Variants in CNTNAP2 observed in about 807,000 individuals in gnomAD.
CNTNAP2 encodes contactin associated protein 2.
In CNTNAP2, 98 loss-of-function variants were observed where a neutral mutation model predicts 155.2. The ratio of observed to expected loss-of-function variants is 0.63; its 90% CI spans 0.54 to 0.75. The LOEUF (loss-of-function observed/expected upper bound fraction) is 0.75, where lower values mean the gene tolerates loss of function less well. Among genes scored for constraint, CNTNAP2 ranks in the 30% least tolerant of loss-of-function variants. The pLI is 0.00. For synonymous variants in CNTNAP2, 651 were observed against 631.2 expected (o/e 1.03, Z -0.47); for missense variants, 1,727 against 1,688.1 (o/e 1.02, Z -0.40).
At chr7:146,505,106 G>T (rs1797363179) in intron 1 of CNTNAP2, among the ~76,000 whole-genome samples, 1 of 152,142 alleles carries the variant, frequency 6.6e-6, no homozygotes, top group Admixed American at 6.5e-5. Flanking sequence ...CCTATCCAAA[G>T]CTGCCCATGT....
chr7:146,646,044 A>G (rs1449138915), intron 1 of CNTNAP2, among the ~76,000 whole-genome samples: 1 of 152,194 alleles, frequency 6.6e-6, no homozygotes. Flanking sequence ...TTCTAGTGAA[A>G]AGGTTTCCAA....
intron 1 of CNTNAP2, among the ~76,000 whole-genome samples, chr7:146,154,540 A>G (rs1798096758): frequency 6.6e-6 from 1 of 152,240 alleles, no homozygotes. Flanking sequence ...ATTGAATTTC[A>G]GATAACAACT....
intron 13 of CNTNAP2, among the ~76,000 whole-genome samples, chr7:147,890,271 T>C (rs1585012643): frequency 6.6e-6 from 1 of 152,298 alleles, no homozygotes; most frequent in Admixed American, 6.5e-5. Context: ...CCTAAAGTGG[T>C]ATTTTGATAG....
intron 1 of CNTNAP2, among the ~76,000 whole-genome samples, chr7:146,355,326 G>A (rs1794982513): frequency 6.6e-6 from 1 of 152,172 alleles, no homozygotes; most frequent in South Asian, 2.1e-4. Flanking sequence ...CAGGGGGTGT[G>A]CTAATAGTGT....
At chr7:147,643,898 C>G (rs933761106) in intron 13 of CNTNAP2, among the ~76,000 whole-genome samples, 1 of 151,844 alleles carries the variant, frequency 6.6e-6, no homozygotes, top group African/African-American at 2.4e-5. Flanking sequence ...GTAAAATTAC[C>G]CATTATTAGT....
intron 21 of CNTNAP2, among the ~76,000 whole-genome samples, chr7:148,369,668 AT>A: frequency 6.7e-6 from 1 of 148,404 alleles, no homozygotes; most frequent in South Asian, 2.1e-4. Context: ...TATTATTATT[AT>A]TATTATTATT....
chr7:147,095,754 A>G (rs1307393172), intron 4 of CNTNAP2, among the ~76,000 whole-genome samples: 1 of 152,152 alleles, frequency 6.6e-6, no homozygotes, highest in African/African-American at 2.4e-5. Context: ...ATTTCAGTAC[A>G]TCTTCCTAAA....
chr7:147,736,797 C>T (rs1423935179), intron 13 of CNTNAP2, among the ~76,000 whole-genome samples: 1 of 152,202 alleles, frequency 6.6e-6, no homozygotes, highest in Non-Finnish European at 1.5e-5. Flanking sequence ...GATACCCTTT[C>T]TTCCAGTTGA....
At chr7:146,579,596 G>A (rs1798579318) in intron 1 of CNTNAP2, among the ~76,000 whole-genome samples, 1 of 152,068 alleles carries the variant, frequency 6.6e-6, no homozygotes, top group Non-Finnish European at 1.5e-5. Context: ...TCTGTTTGCT[G>A]CTGACTGCCC....
chr7:147,439,705 T>C (rs1306930430), intron 10 of CNTNAP2, among the ~76,000 whole-genome samples: 3 of 152,062 alleles, frequency 2.0e-5, no homozygotes, highest in Admixed American at 6.6e-5. Context: ...GTTATTGTAC[T>C]GGGGACTACC....
At chr7:146,493,192 A>T (rs1303178965) in intron 1 of CNTNAP2, among the ~76,000 whole-genome samples, 1 of 152,190 alleles carries the variant, frequency 6.6e-6, no homozygotes, top group Non-Finnish European at 1.5e-5. Context: ...CACAAGTATT[A>T]AGTCAAAATT....
intron 21 of CNTNAP2, among the ~76,000 whole-genome samples, chr7:148,279,631 T>A (rs1362500325): frequency 3.3e-5 from 5 of 152,214 alleles, no homozygotes; most frequent in African/African-American, 4.8e-5. Context: ...GGCCTTTTCC[T>A]GTCTTTATCT....
chr7:148,222,455 T>A (rs111267575), intron 19 of CNTNAP2, among the ~76,000 whole-genome samples: 2 of 151,260 alleles, frequency 1.3e-5, no homozygotes, highest in African/African-American at 4.9e-5. Flanking sequence ...CCCACTCCCA[T>A]GAGAACCTGT....
At chr7:147,770,214 T>C (rs1797447980) in intron 13 of CNTNAP2, among the ~76,000 whole-genome samples, 2 of 152,250 alleles carry the variant, frequency 1.3e-5, no homozygotes, top group South Asian at 4.1e-4. Flanking sequence ...GGGTTACAGG[T>C]TGATTACACG....
At chr7:148,331,164 C>A (rs368554180) in intron 21 of CNTNAP2, among the ~76,000 whole-genome samples, 1 of 119,600 alleles carries the variant, frequency 8.4e-6, no homozygotes, top group East Asian at 2.7e-4. Context: ...ATGGAATGGA[C>A]GGATGGAATG....
chr7:148,405,724 T>A (rs927344557), intron 22 of CNTNAP2, among the ~76,000 whole-genome samples: 5 of 145,108 alleles, frequency 3.4e-5, no homozygotes, highest in Middle Eastern at 3.5e-3. Context: ...CAAGTGATTC[T>A]CCTGCCTCAG....
At chr7:146,624,208 C>T (rs980214145) in intron 1 of CNTNAP2, among the ~76,000 whole-genome samples, 4 of 151,934 alleles carry the variant, frequency 2.6e-5, no homozygotes, top group Non-Finnish European at 5.9e-5. Context: ...CCAGGCCATG[C>T]TTTGTCTGTT....
intron 9 of CNTNAP2, among the ~76,000 whole-genome samples, chr7:147,332,338 T>A (rs181739691): frequency 3.3e-5 from 5 of 152,262 alleles, no homozygotes; most frequent in Admixed American, 2.6e-4. Flanking sequence ...GTGTATTTGT[T>A]TTTAATGATG....
intron 1 of CNTNAP2, among the ~76,000 whole-genome samples, chr7:146,687,836 T>C (rs554983017): frequency 1.3e-5 from 2 of 152,286 alleles, no homozygotes; most frequent in South Asian, 4.1e-4. Flanking sequence ...GTTTATAGGA[T>C]AAGCCCAGTT....
Sources: allele counts gnomAD v4.1 joint callset (sites outside exome capture counted in the v4.1 genomes callset), GRCh38; gene constraint gnomAD v4.1.1; transcripts MANE v1.5; gene names NCBI Gene and HGNC (gene_info 2026-07-23, HGNC 2026-07-21).